Variants in TMEM237 observed in about 807,000 individuals in gnomAD.
TMEM237 encodes the protein amyotrophic lateral sclerosis 2 (juvenile) chromosome region, candidate 4.
Under a neutral mutation model 59.1 loss-of-function variants are expected in TMEM237, and 51 were observed. The observed-to-expected ratio is 0.86, with a 90% confidence interval of 0.69 to 1.09. The LOEUF (loss-of-function observed/expected upper bound fraction) is 1.09, where lower values mean the gene tolerates loss of function less well. Among genes scored for constraint, TMEM237 ranks in the 50% least tolerant of loss-of-function variants. TMEM237 has a pLI of 0.00. For missense variants in TMEM237, 475 were observed against 478.3 expected (o/e 0.99, Z 0.06); for synonymous variants, 140 against 166.1 (o/e 0.84, Z 1.21).
At chr2:201,628,411 A>C (rs1387076783) in intron 9 of TMEM237, among the ~76,000 whole-genome samples, 1 of 152,130 alleles carries the variant, frequency 6.6e-6, no homozygotes, top group African/African-American at 2.4e-5. Flanking sequence ...TGATCTATAA[A>C]ATTTCATTAG....
intron 1 of TMEM237, chr2:201,642,644 TCGGCGG>T: frequency 1.2e-6 from 2 of 1,608,136 alleles, no homozygotes; most frequent in Non-Finnish European, 1.7e-6. Context: ...TTAGCCGGCC[TCGGCGG>T]CCGCCGGCCC....
rs1275130770 is a variant in TMEM237 at position 201,643,100 on chromosome 2, C to T, written c.42+259G>A. On this transcript the variant is annotated intron_variant, in intron 1 of 12. Coordinates refer to ENST00000409883, the MANE Select transcript of TMEM237 (RefSeq NM_001044385.3). This position sits in a 1 kb window ranked among gnomAD's most constrained non-coding sequence, Gnocchi z 4.3. ...GGGCCTCAGATGAGTGAGGCGTCGTCGTGGCAACGCGGGCTCAGGTCCCCG... is the reference window on the plus strand; with the variant it reads ...GGGCCTCAGATGAGTGAGGCGTCGTTGTGGCAACGCGGGCTCAGGTCCCCG... Among the ~76,000 whole-genome samples, 2 of 152,142 alleles carry T rather than the reference C, an allele frequency of 1.3e-5. No homozygotes were observed.
intron 1 of TMEM237, among the ~76,000 whole-genome samples, chr2:201,642,189 A>G (rs1227711517): frequency 1.3e-5 from 2 of 152,236 alleles, no homozygotes; most frequent in African/African-American, 4.8e-5. Context: ...ATATAGTAAC[A>G]GAAATGCCTA....
chr2:201,626,360 G>T lies in TMEM237; in HGVS notation c.1038-213C>A, dbSNP rs541652751. The stretch of plus-strand genomic sequence containing the variant: ...TATTTAAACTCTGAACAGATCTGCT[G>T]TATACATTCATATAAATGCAAAGTT... On this transcript the variant is annotated intron_variant, in intron 11 of 12. Coordinates refer to ENST00000409883, the MANE Select transcript of TMEM237 (RefSeq NM_001044385.3). 5.6e-5 allele frequency: 22 copies of T among 395,954 alleles called. No homozygotes were observed. In the East Asian group the frequency reaches 8.0e-4, roughly 14 times the overall value. The allele number at this position is 395,954 out of a possible 1,614,324, so 24.5% of individuals were successfully genotyped here. A position where few individuals can be genotyped will look rare whatever the true frequency, so the allele number is the denominator to read the frequency against.
chr2:201,627,989 C>T, intron 10 of TMEM237, 87 bp downstream of exon 10: 1 of 997,730 alleles, frequency 1.0e-6, no homozygotes, highest in Non-Finnish European at 1.5e-6. Context: ...AGTAATACAA[C>T]TTTTAAAAAA....
intron 1 of TMEM237, among the ~76,000 whole-genome samples, chr2:201,641,176 G>C (rs1020333791): frequency 5.3e-5 from 8 of 152,092 alleles, no homozygotes; most frequent in Non-Finnish European, 7.4e-5. Context: ...ATTTTTAGTA[G>C]AGACGGGGTT....
chr2:201,625,934 G>T, intron 12 of TMEM237, 92 bp downstream of exon 12: 6 of 1,210,802 alleles, frequency 5.0e-6, no homozygotes, highest in South Asian at 1.8e-5. Flanking sequence ...TTTGTTATTG[G>T]AATATTATAA....
At chr2:201,634,578 G>T (rs928216999) in intron 5 of TMEM237, among the ~76,000 whole-genome samples, 1 of 152,092 alleles carries the variant, frequency 6.6e-6, no homozygotes, top group African/African-American at 2.4e-5. Flanking sequence ...TATAAAACTA[G>T]GTATTGGTAT....
Position 201,643,500 on chromosome 2 carries a change from T to C in TMEM237, c.-100A>G. On this transcript the variant is annotated 5_prime_UTR_variant, in exon 1 of 13. Coordinates refer to ENST00000409883, the MANE Select transcript of TMEM237 (RefSeq NM_001044385.3). This position sits in a 1 kb window ranked among gnomAD's most constrained non-coding sequence, Gnocchi z 4.3. ...CCGGGACCTGTGGGACGCCGGGGCT[T>C]CGTGGCGCCTGGCGAGGCAGCCGCC... The C allele has an allele frequency of 1.2e-5, 13 of 1,078,640 alleles. No individual in the cohort carries two copies. Among genetic ancestry groups the C allele is most frequent in the Non-Finnish European group, 1.6e-5 (13 of 822,098 alleles). The allele number at this position is 1,078,640 out of a possible 1,614,324, so 66.8% of individuals were successfully genotyped here. A position where few individuals can be genotyped will look rare whatever the true frequency, so the allele number is the denominator to read the frequency against.
In TMEM237 at chr2:201,632,188, A is replaced by G; in HGVS notation, c.416T>C (p.Leu139Ser). The G allele has an allele frequency of 1.2e-6, 2 of 1,613,780 alleles. No homozygotes were observed. Among genetic ancestry groups the G allele is most frequent in the Non-Finnish European group, 1.7e-6 (2 of 1,179,768 alleles). Residue 139 changes from leucine (L) to serine (S), a missense_variant, in exon 7 of 13, where the codon TTA becomes TCA. Physicochemically the swap from Leu to Ser is moderately radical, Grantham distance 145. Transcript: ENST00000409883. ...RKTKKTQPAE[L>S]QYANELGVED... ...TACTCCTAGCTCATTGGCATACTGT[A>G]ATTCTGCTGGCTGGGTTTTCCTGTA...
chr2:201,641,606 T>A (rs921057989), intron 1 of TMEM237, among the ~76,000 whole-genome samples: 2 of 151,148 alleles, frequency 1.3e-5, no homozygotes, highest in Non-Finnish European at 2.9e-5. Flanking sequence ...ATGTTAAAAA[T>A]ATATATATGA....
chr2:201,643,476 C>G lies in TMEM237; in HGVS notation c.-76G>C. ...CAGCTCCCCGCGACGCAGCGGCCTC[C>G]GGGACCTGTGGGACGCCGGGGCTTC... On this transcript the variant is annotated 5_prime_UTR_variant, in exon 1 of 13. Coordinates refer to ENST00000409883, the MANE Select transcript of TMEM237 (RefSeq NM_001044385.3). The surrounding 1 kb of genome is among the most constrained non-coding windows in gnomAD (Gnocchi z 4.3). The G allele has an allele frequency of 7.7e-7, 1 of 1,303,132 alleles. No individual in the cohort carries two copies. Among genetic ancestry groups the G allele is most frequent in the Non-Finnish European group, 9.9e-7 (1 of 1,009,848 alleles). The allele number at this position is 1,303,132 out of a possible 1,614,324, so 80.7% of individuals were successfully genotyped here.
At chr2:201,625,909 T>C (rs936460763) in intron 12 of TMEM237, 117 bp downstream of exon 12, 6 of 1,083,184 alleles carry the variant, frequency 5.5e-6, no homozygotes, top group Admixed American at 3.0e-5. Flanking sequence ...TGTATCATTT[T>C]AATTTAAATG....
At position 201,643,037 on chromosome 2, in the gene TMEM237, A is replaced by G; in HGVS notation, c.42+322T>C. The G allele has an allele frequency of 7.8e-7, 1 of 1,284,444 alleles. No homozygotes were observed. Among genetic ancestry groups the G allele is most frequent in the Non-Finnish European group, 9.9e-7 (1 of 1,005,534 alleles). The allele number at this position is 1,284,444 out of a possible 1,614,324, so 79.6% of individuals were successfully genotyped here. The stretch of plus-strand genomic sequence containing the variant: ...AGACCTCTCCTCGGAGGAGTCTAGG[A>G]GAGGCCTGGCTGGAAGCCCCGGCAC... On this transcript the variant is annotated intron_variant, in intron 1 of 12. Transcript: ENST00000409883. This position sits in a 1 kb window ranked among gnomAD's most constrained non-coding sequence, Gnocchi z 4.3.
At position 201,636,833 on chromosome 2, in the gene TMEM237, C is replaced by A; in HGVS notation, c.189G>T (p.Glu63Asp). Residue 63 changes from glutamate to aspartate, a missense_variant, in exon 5 of 13, where the codon GAG becomes GAT. Coordinates refer to ENST00000409883, the MANE Select transcript of TMEM237 (RefSeq NM_001044385.3). ...LAQTAGRRPSEGNEPSTKELK... is the reference protein window; with the variant it reads ...LAQTAGRRPSDGNEPSTKELK... ...GTTCTTTAGTTGATGGCTCATTGCC[C>A]TCAGAGGGCCTTCGACCAGCAGTCT... 6.2e-7 allele frequency: 1 copy of A among 1,606,248 alleles called. No individual in the cohort carries two copies. The highest frequency in any genetic ancestry group is 8.5e-7 in the Non-Finnish European group (1 of 1,176,488).
intron 11 of TMEM237, among the ~76,000 whole-genome samples, chr2:201,626,513 A>T: frequency 7.4e-6 from 1 of 135,038 alleles, no homozygotes; most frequent in Admixed American, 7.9e-5. Flanking sequence ...CTACTTTTGG[A>T]TGCTACGTGC....
At chr2:201,638,835 G>C (rs2105903415) in intron 4 of TMEM237, 154 bp downstream of exon 4, 1 of 736,660 alleles carries the variant, frequency 1.4e-6, no homozygotes, top group East Asian at 2.7e-5. Flanking sequence ...CCACCACCAG[G>C]AATTCCACTG....
intron 11 of TMEM237, among the ~76,000 whole-genome samples, chr2:201,626,986 T>C (rs965098179): frequency 6.6e-6 from 1 of 151,840 alleles, no homozygotes; most frequent in Non-Finnish European, 1.5e-5. Context: ...AGGCTAAGAC[T>C]GCAGAATCGC....
intron 6 of TMEM237, 55 bp downstream of exon 6, chr2:201,633,256 A>G: frequency 6.5e-7 from 1 of 1,542,756 alleles, no homozygotes; most frequent in African/African-American, 1.4e-5. Flanking sequence ...CGGAGCTCCA[A>G]ACAAAGCATC....
Sources: gnomAD v4.1 joint callset for allele counts (sites outside exome capture counted in the v4.1 genomes callset) on GRCh38, gnomAD v4.1.1 for gene constraint, Gnocchi (gnomAD v3.1) non-coding constraint, MANE v1.5 for transcripts, NCBI Gene and HGNC (gene_info 2026-07-23, HGNC 2026-07-21) for gene names.